Variants in KDM3B observed in about 807,000 individuals in gnomAD.
KDM3B encodes lysine-specific demethylase 3B.
A neutral mutation model predicts 170.0 loss-of-function variants in KDM3B; 10 were observed. The observed-to-expected ratio is 0.06, with a 90% confidence interval of 0.04 to 0.10. The LOEUF (loss-of-function observed/expected upper bound fraction) is 0.10, where lower values mean the gene tolerates loss of function less well. Ranked by LOEUF, KDM3B falls within the 10% of genes least tolerant of loss-of-function variation. The pLI is 1.00. For missense variants in KDM3B, 1,394 were observed against 2,195.2 expected (o/e 0.64, Z 7.29); for synonymous variants, 831 against 834.8 (o/e 1.00, Z 0.08).
At chr5:138,376,432 C>T (rs10043984) in intron 3 of KDM3B, among the ~76,000 whole-genome samples, 39,624 of 151,542 alleles carry the variant, frequency 0.26, 5,370 homozygotes, top group Middle Eastern at 0.28. Context: ...CGGCCAGGCG[C>T]GGTGGCTCAC....
chr5:138,405,778 G>T (rs903803211), intron 11 of KDM3B, among the ~76,000 whole-genome samples: 15 of 152,022 alleles, frequency 9.9e-5, no homozygotes, highest in Non-Finnish European at 1.8e-4. Flanking sequence ...TATATTTTGG[G>T]GTTTATACTA....
chr5:138,425,335 C>T (rs979620888), intron 16 of KDM3B, 76 bp from the exon 17 acceptor site: 15 of 1,384,352 alleles, frequency 1.1e-5, no homozygotes, highest in Non-Finnish European at 1.4e-5. Context: ...CTCAGGAAAC[C>T]CTCCTATTCT....
At chr5:138,421,383 GC>G (rs1291782913) in intron 15 of KDM3B, among the ~76,000 whole-genome samples, 1 of 152,164 alleles carries the variant, frequency 6.6e-6, no homozygotes, top group Admixed American at 6.5e-5. Flanking sequence ...CTGGTTGGTG[GC>G]ATCTCTGCCC....
At chr5:138,426,877 A>AG in intron 17 of KDM3B, 98 bp from the exon 18 acceptor site, 1 of 729,046 alleles carries the variant, frequency 1.4e-6, no homozygotes, top group South Asian at 1.6e-5. Flanking sequence ...AAAAAAAAAA[A>AG]AAAGAAAAAA....
chr5:138,431,327 A>G (rs1162395493), intron 22 of KDM3B, 98 bp from the exon 23 acceptor site: 7 of 1,025,650 alleles, frequency 6.8e-6, no homozygotes, highest in East Asian at 5.3e-5. Context: ...TATTATACCT[A>G]TTTCTCAAGG....
intron 9 of KDM3B, 162 bp from the exon 10 acceptor site, chr5:138,398,016 G>T: frequency 1.7e-6 from 1 of 584,872 alleles, no homozygotes; most frequent in Non-Finnish European, 3.0e-6. Context: ...ATGTTAACAA[G>T]CTTTACTATT....
In KDM3B at chr5:138,399,985, C is replaced by T. The variant is rs755725846; in HGVS notation, c.3172C>T (p.Arg1058Trp). 9.3e-6 allele frequency: 15 copies of T among 1,613,980 alleles called. No individual in the cohort carries two copies. Among genetic ancestry groups the T allele is most frequent in the Admixed American group, 8.3e-5 (5 of 59,982 alleles). Residue 1058 changes from arginine to tryptophan, a missense_variant, in exon 11 of 24, where the codon CGG becomes TGG. Physicochemically the swap from Arg to Trp is moderately radical, Grantham distance 101. This residue lies in a region of KDM3B where 44 missense variants were observed against 71.1 expected (regional missense o/e 0.62). Transcript: ENST00000314358. ...CGFGVCLDCYRLRKSRPRSET... is the reference protein window; with the variant it reads ...CGFGVCLDCYWLRKSRPRSET... ...ATTTGGGGTCTGCCTTGACTGTTAC[C>T]GGCTCAGGAAAAGCCGGCCACGCAG...
intron 15 of KDM3B, 60 bp downstream of exon 15, chr5:138,421,022 C>CAGAT: frequency 6.3e-7 from 1 of 1,587,164 alleles, no homozygotes; most frequent in Non-Finnish European, 8.6e-7. Context: ...CATCAGAGAT[C>CAGAT]AGATAATTGG....
In KDM3B at chr5:138,379,687, T is replaced by A; in HGVS notation, c.684T>A (p.Leu228=). ...GCCATCAGGACTCCATCACTCGTCT[T>A]ATGGAGGTGTCTGTAACTGAGGTGA... The part of the protein sequence containing the change: ...VVSHQDSITR[L]MEVSVTESGE... Residue 228 remains leucine, a synonymous_variant, in exon 5 of 24, where the codon CTT becomes CTA. Transcript: ENST00000314358. 6.2e-7 allele frequency: 1 copy of A among 1,613,506 alleles called. No individual in the cohort carries two copies. Among genetic ancestry groups the A allele is most frequent in the African/African-American group, 1.3e-5 (1 of 75,004 alleles).
chr5:138,385,883 G>A lies in KDM3B; in HGVS notation c.781-139G>A, dbSNP rs1350686447. On this transcript the variant is annotated intron_variant, in intron 6 of 23. Coordinates refer to ENST00000314358, the MANE Select transcript of KDM3B (RefSeq NM_016604.4). ...ACAAAGATTAGAGCTTTTAACAAAGGGGATGTTTTAGAACTGGCATTGGAA... is the reference window on the plus strand; with the variant it reads ...ACAAAGATTAGAGCTTTTAACAAAGAGGATGTTTTAGAACTGGCATTGGAA... The A allele has an allele frequency of 3.3e-6, 3 of 909,506 alleles. No individual in the cohort carries two copies. In the African/African-American group the frequency reaches 5.0e-5, roughly 15 times the overall value. 56.3% of individuals were successfully genotyped at this position (909,506 alleles called of 1,614,324 possible).
intron 7 of KDM3B, among the ~76,000 whole-genome samples, chr5:138,388,586 A>T (rs1489393503): frequency 6.7e-6 from 1 of 148,766 alleles, no homozygotes; most frequent in African/African-American, 2.5e-5. Context: ...GAGCCAAGAG[A>T]GCCAAGATTG....
intron 4 of KDM3B, among the ~76,000 whole-genome samples, chr5:138,378,512 T>G (rs942182622): frequency 6.6e-6 from 1 of 152,190 alleles, no homozygotes; most frequent in East Asian, 1.9e-4. Flanking sequence ...AGGTAAACTA[T>G]TGGCTTCATT....
Position 138,406,445 on chromosome 5 carries a change from ACCAG to A in KDM3B, c.3199+6436_3199+6439del, listed in dbSNP as rs565504897. 2.5e-3 allele frequency among the ~76,000 whole-genome samples: 381 copies of A among 152,322 alleles called. 2 individuals carry two copies. The highest frequency in any genetic ancestry group is 8.3e-3 in the African/African-American group (346 of 41,568). On this transcript the variant is annotated intron_variant, in intron 11 of 23. Transcript: ENST00000314358. The stretch of plus-strand genomic sequence containing the variant: ...GATCACCTGAGGTCAGGAGTTCGAG[ACCAG>A]CCTGGCCAACACGGTGAAACCCTGT...
chr5:138,386,401 C>T lies in KDM3B; in HGVS notation c.1160C>T (p.Thr387Ile). 1 of 1,614,206 alleles carries T rather than the reference C, an allele frequency of 6.2e-7. No homozygotes were observed. The highest frequency in any genetic ancestry group is 8.5e-7 in the Non-Finnish European group (1 of 1,180,036). ...CCTGCATCTTTCACTCCATATTCTA[C>T]AGCCACAGGTCAGACACCTTTGGCC... is the stretch of plus-strand genomic sequence containing the variant. ...DTPASFTPYS[T>I]ATGQTPLAPE... is the part of the protein sequence containing the mutation. The change falls in exon 7 of 24, where the codon ACA (threonine) becomes ATA (isoleucine). Residue 387 changes from threonine (T) to isoleucine (I), a missense_variant. Physicochemically the swap from Thr to Ile is moderately conservative, Grantham distance 89. This residue lies in a region of KDM3B where 205 missense variants were observed against 227.6 expected (regional missense o/e 0.90). Coordinates refer to ENST00000314358, the MANE Select transcript of KDM3B (RefSeq NM_016604.4).
intron 7 of KDM3B, among the ~76,000 whole-genome samples, chr5:138,387,750 C>T (rs1260903059): frequency 6.6e-6 from 1 of 152,134 alleles, no homozygotes; most frequent in Non-Finnish European, 1.5e-5. Flanking sequence ...ATATGGATTT[C>T]CAGTGTAAAT....
intron 8 of KDM3B, among the ~76,000 whole-genome samples, chr5:138,392,629 T>G (rs1438332576): frequency 2.0e-5 from 3 of 152,208 alleles, no homozygotes; most frequent in Non-Finnish European, 4.4e-5. Flanking sequence ...TGGTATCCAT[T>G]CCCACATAGC....
chr5:138,356,049 A>AT (rs1400936100), intron 1 of KDM3B, among the ~76,000 whole-genome samples: 1 of 152,032 alleles, frequency 6.6e-6, no homozygotes, highest in East Asian at 1.9e-4. Context: ...ATACTTACAG[A>AT]TTTTACTCAT....
At chr5:138,413,232 A>T (rs1376147623) in intron 11 of KDM3B, among the ~76,000 whole-genome samples, 1 of 151,886 alleles carries the variant, frequency 6.6e-6, no homozygotes, top group Admixed American at 6.6e-5. Context: ...AAACACAAAA[A>T]ATTAGTTGGG....
chr5:138,359,204 C>G (rs1190495620), intron 1 of KDM3B, among the ~76,000 whole-genome samples: 1 of 151,746 alleles, frequency 6.6e-6, no homozygotes, highest in African/African-American at 2.4e-5. Flanking sequence ...CTGTGTCAGC[C>G]AGGCTGGAGT....
Sources: gnomAD v4.1 joint callset for allele counts (sites outside exome capture counted in the v4.1 genomes callset) on GRCh38, gnomAD v4.1.1 for gene constraint, gnomAD v4.1.1 regional missense constraint, MANE v1.5 for transcripts, NCBI Gene and HGNC (gene_info 2026-07-23, HGNC 2026-07-21) for gene names.